Variants in OOSP2 observed in about 807,000 individuals in gnomAD.
The protein encoded by OOSP2 is oocyte-secreted protein 2.
Under a neutral mutation model 13.4 loss-of-function variants are expected in OOSP2, and 7 were observed. The ratio of observed to expected loss-of-function variants is 0.52; its 90% confidence interval spans 0.30 to 0.98. OOSP2 has a LOEUF of 0.98. Among genes scored for constraint, OOSP2 ranks in the 50% least tolerant of loss-of-function variants. OOSP2 has a pLI of 0.07. For synonymous variants in OOSP2, 75 were observed against 67.2 expected (o/e 1.12, Z -0.57); for missense variants, 184 against 188.5 (o/e 0.98, Z 0.14).
intron 1 of OOSP2, among the ~76,000 whole-genome samples, chr11:60,043,244 C>A (rs1854960962): frequency 6.6e-6 from 1 of 152,176 alleles, no homozygotes; most frequent in South Asian, 2.1e-4. Context: ...GATCCTCCCA[C>A]CTCCTCCATG....
chr11:60,044,969 G>A (rs899463778), intron 3 of OOSP2, among the ~76,000 whole-genome samples, 195 bp downstream of exon 3: 1 of 151,962 alleles, frequency 6.6e-6, no homozygotes, highest in Non-Finnish European at 1.5e-5. Flanking sequence ...TGAATGTAAT[G>A]TTTATTTTAG....
chr11:60,047,853 T>A lies in OOSP2; in HGVS notation c.*780T>A, dbSNP rs532290667. On this transcript the variant is annotated 3_prime_UTR_variant, in exon 4 of 4. Coordinates refer to ENST00000278855, the MANE Select transcript of OOSP2 (RefSeq NM_173801.5). ...TCTTTAAACATGGAGTCTAAATATGTAATATATCAAAAAATACTTCTGATT... is the reference window on the plus strand; with the variant it reads ...TCTTTAAACATGGAGTCTAAATATGAAATATATCAAAAAATACTTCTGATT... 2.0e-5 allele frequency: 3 copies of A among 152,290 alleles called. No individual in the cohort carries two copies. The highest frequency in any genetic ancestry group is 2.0e-4 in the Admixed American group (3 of 15,296). 9.4% of individuals were successfully genotyped at this position (152,290 alleles called of 1,614,324 possible). A position where few individuals can be genotyped will look rare whatever the true frequency, so the allele number is the denominator to read the frequency against.
At chr11:60,041,406 T>C (rs1854926093) in intron 1 of OOSP2, among the ~76,000 whole-genome samples, 1 of 152,184 alleles carries the variant, frequency 6.6e-6, no homozygotes. Flanking sequence ...AAAGAGCCAC[T>C]GTGAATTCTG....
In OOSP2 at chr11:60,043,548, G is replaced by A. The variant is rs199849874; in HGVS notation, c.144G>A (p.Ala48=). The change falls in exon 2 of 4, where the codon GCG becomes GCA. Residue 48 remains alanine, a synonymous_variant. Transcript: ENST00000278855. Reference sequence around the variant, plus strand: ...AAAGCAGAAATCTGTATATATTTGCGGATGAATTACATCTGGGAATGGGCT... The same window carrying A: ...AAAGCAGAAATCTGTATATATTTGCAGATGAATTACATCTGGGAATGGGCT... ...VAESRNLYIF[A]DELHLGMGCP... 423 of 1,610,180 alleles carry A rather than the reference G, an allele frequency of 2.6e-4. 2 individuals are homozygous for A. Among genetic ancestry groups the A allele is most frequent in the Admixed American group, 1.5e-3 (91 of 59,958 alleles).
intron 3 of OOSP2, among the ~76,000 whole-genome samples, chr11:60,045,591 G>T (rs1384462100): frequency 6.8e-6 from 1 of 146,748 alleles, no homozygotes; most frequent in Non-Finnish European, 1.5e-5. Context: ...TTTTAATTTT[G>T]GTAAAATATA....
At chr11:60,046,193 GTCTC>G (rs908264276) in intron 3 of OOSP2, among the ~76,000 whole-genome samples, 7 of 143,808 alleles carry the variant, frequency 4.9e-5, no homozygotes, top group East Asian at 2.2e-4. Flanking sequence ...CGGTTTCTCT[GTCTC>G]TCTCTCTCTC....
chr11:60,042,525 A>C (rs1171760095), intron 1 of OOSP2, among the ~76,000 whole-genome samples: 1 of 152,220 alleles, frequency 6.6e-6, no homozygotes, highest in Non-Finnish European at 1.5e-5. Context: ...TTAATGCTGA[A>C]AAGACTCAGT....
intron 3 of OOSP2, among the ~76,000 whole-genome samples, chr11:60,046,295 T>G (rs1428264880): frequency 6.6e-6 from 1 of 152,144 alleles, no homozygotes; most frequent in African/African-American, 2.4e-5. Context: ...TGTTTTCAAT[T>G]CTATGAACTA....
rs538118445 is a variant in OOSP2 at position 60,047,634 on chromosome 11, A to C, written c.*561A>C. 1.1e-4 allele frequency: 16 copies of C among 152,284 alleles called. No individual in the cohort carries two copies. The highest frequency in any genetic ancestry group is 9.2e-4 in the Admixed American group (14 of 15,294). 9.4% of individuals were successfully genotyped at this position (152,284 alleles called of 1,614,324 possible). A position where few individuals can be genotyped will look rare whatever the true frequency, so the allele number is the denominator to read the frequency against. Reference sequence around the variant, plus strand: ...TTTAGATTATTCCAGAATTAAATTCAATTTATTTTCTAGAGCTCAAGTAAC... The same window carrying C: ...TTTAGATTATTCCAGAATTAAATTCCATTTATTTTCTAGAGCTCAAGTAAC... On this transcript the variant is annotated 3_prime_UTR_variant, in exon 4 of 4. Coordinates refer to ENST00000278855, the MANE Select transcript of OOSP2 (RefSeq NM_173801.5).
chr11:60,046,671 C>A (rs537736882), intron 3 of OOSP2: 7 of 546,836 alleles, frequency 1.3e-5, no homozygotes, highest in African/African-American at 9.3e-5. Flanking sequence ...TCTTCTAATG[C>A]AAGCATCACA....
chr11:60,044,903 C>A, intron 3 of OOSP2, 129 bp downstream of exon 3: 5 of 423,120 alleles, frequency 1.2e-5, no homozygotes, highest in South Asian at 8.5e-5. Flanking sequence ...TAAACAAACC[C>A]CAAATTAGTA....
intron 1 of OOSP2, among the ~76,000 whole-genome samples, chr11:60,043,167 A>G (rs988735922): frequency 1.3e-5 from 2 of 152,082 alleles, no homozygotes; most frequent in Non-Finnish European, 2.9e-5. Flanking sequence ...GCCTCCCAAA[A>G]GGCTGGGATT....
In OOSP2 at chr11:60,040,447, G is replaced by A; in HGVS notation, c.-13G>A. 3 of 1,561,136 alleles carry A rather than the reference G, an allele frequency of 1.9e-6. No individual in the cohort carries two copies. The highest frequency in any genetic ancestry group is 2.7e-6 in the Non-Finnish European group (3 of 1,131,566). On this transcript the variant is annotated 5_prime_UTR_variant, in exon 1 of 4. Coordinates refer to ENST00000278855, the MANE Select transcript of OOSP2 (RefSeq NM_173801.5). Reference sequence around the variant, plus strand: ...TTGTCCTGTGCTGGAGGTCTGCTCAGACGAAGGTCTCCATGGCGTTAGAAG... The same window carrying A: ...TTGTCCTGTGCTGGAGGTCTGCTCAAACGAAGGTCTCCATGGCGTTAGAAG...
In OOSP2 at chr11:60,043,271, G is replaced by T. The variant is rs1051708943; in HGVS notation, c.65-198G>T. Among the ~76,000 whole-genome samples the T allele has an allele frequency of 5.3e-5, 8 of 152,240 alleles. No homozygotes were observed. The East Asian group carries it at 1.4e-3, about 26-fold the overall frequency. The stretch of plus-strand genomic sequence containing the variant: ...TCCTCCATGAAATTGCTGAAATCTA[G>T]TTACATGGGGGCATAATTAGTTAGG... On this transcript the variant is annotated intron_variant, in intron 1 of 3. Coordinates refer to ENST00000278855, the MANE Select transcript of OOSP2 (RefSeq NM_173801.5).
Position 60,045,593 on chromosome 11 carries a change from TA to T in OOSP2, c.347+823del, listed in dbSNP as rs1387990461. 3.5e-5 allele frequency among the ~76,000 whole-genome samples: 5 copies of T among 144,210 alleles called. 1 individual carries two copies. Among genetic ancestry groups the T allele is most frequent in the Middle Eastern group, 7.3e-3 (2 of 274 alleles). The allele number at this position is 144,210 out of a possible 152,430, so 94.6% of individuals were successfully genotyped here. On this transcript the variant is annotated intron_variant, in intron 3 of 3. Transcript: ENST00000278855. ...AGGCAGAATTTTTTTTTAATTTTGGTAAAATATACATAATCTTGTACATTTG... is the reference window on the plus strand; with the variant it reads ...AGGCAGAATTTTTTTTTAATTTTGGTAAATATACATAATCTTGTACATTTG...
At position 60,047,271 on chromosome 11, in the gene OOSP2, G is replaced by T; in HGVS notation, c.*198G>T. 1 of 445,714 alleles carries T rather than the reference G, an allele frequency of 2.2e-6. No homozygotes were observed. Among genetic ancestry groups the T allele is most frequent in the Non-Finnish European group, 4.0e-6 (1 of 251,502 alleles). The allele number at this position is 445,714 out of a possible 1,614,324, so 27.6% of individuals were successfully genotyped here. On this transcript the variant is annotated 3_prime_UTR_variant, in exon 4 of 4. Coordinates refer to ENST00000278855, the MANE Select transcript of OOSP2 (RefSeq NM_173801.5). ...AATATTTGTATTCAGTAGGGGTATG[G>T]CTGATTAATTTAACATTAACTATTA...
chr11:60,044,664 C>T lies in OOSP2; in HGVS notation c.244-7C>T, dbSNP rs775103051. 1.1e-5 allele frequency: 15 copies of T among 1,358,758 alleles called. No homozygotes were observed. The highest frequency in any genetic ancestry group is 1.3e-5 in the Non-Finnish European group (12 of 949,152). The allele number at this position is 1,358,758 out of a possible 1,614,324, so 84.2% of individuals were successfully genotyped here. The stretch of plus-strand genomic sequence containing the variant: ...ATATCTTCCACTGAAACTTCATGCT[C>T]TCCTAGGTAGTTTCTGAGGAAACTC... On this transcript the variant is annotated splice_region_variant and splice_polypyrimidine_tract_variant and intron_variant, in intron 2 of 3. Coordinates refer to ENST00000278855, the MANE Select transcript of OOSP2 (RefSeq NM_173801.5).
chr11:60,044,782 C>T lies in OOSP2; in HGVS notation c.347+8C>T, dbSNP rs752070884. On this transcript the variant is annotated splice_region_variant and intron_variant, in intron 3 of 3. Transcript: ENST00000278855. The stretch of plus-strand genomic sequence containing the variant: ...GGAGTGTTCCACCTCTAGGTAAGTC[C>T]AGCAGATTTGATTCCTTTGGAATGT... 7.5e-7 allele frequency: 1 copy of T among 1,338,244 alleles called. No homozygotes were observed. The highest frequency in any genetic ancestry group is 1.4e-5 in the African/African-American group (1 of 69,554). The allele number at this position is 1,338,244 out of a possible 1,614,324, so 82.9% of individuals were successfully genotyped here.
chr11:60,045,791 A>G (rs1403972871), intron 3 of OOSP2, among the ~76,000 whole-genome samples: 1 of 152,046 alleles, frequency 6.6e-6, no homozygotes, highest in East Asian at 1.9e-4. Context: ...CCTTTAACTT[A>G]TTTTCATAAA....
Sources: allele counts gnomAD v4.1 joint callset (sites outside exome capture counted in the v4.1 genomes callset), GRCh38; gene constraint gnomAD v4.1.1; transcripts MANE v1.5; gene names NCBI Gene and HGNC (gene_info 2026-07-23, HGNC 2026-07-21).